TRPM3: variants seen among roughly 807,000 people sequenced by gnomAD.
TRPM3 encodes long transient receptor potential channel 3.
A neutral mutation model predicts 181.2 loss-of-function variants in TRPM3; 77 were observed. That is an observed-to-expected ratio of 0.42 (90% confidence interval 0.35 to 0.51). The LOEUF is 0.51. Among genes scored for constraint, TRPM3 ranks in the 20% least tolerant of loss-of-function variants. The pLI, the probability that TRPM3 is intolerant of heterozygous loss-of-function variation, is 0.01. For missense variants in TRPM3, 1,759 were observed against 2,196.7 expected (o/e 0.80, Z 3.98); for synonymous variants, 745 against 796.4 (o/e 0.94, Z 1.09).
Position 70,531,091 on chromosome 9 carries a change from A to G in TRPM3, c.*4862T>C, listed in dbSNP as rs906729406. 3 of 152,170 alleles carry G rather than the reference A, an allele frequency of 2.0e-5. No homozygotes were observed. The highest frequency in any genetic ancestry group is 2.1e-4 in the South Asian group (1 of 4,808). 9.4% of individuals were successfully genotyped at this position (152,170 alleles called of 1,614,324 possible). ...TCTGCGCACTTCTGCACTATCACAA[A>G]TGGACTTTTCGCTCTCATCTCCGGC... On this transcript the variant is annotated 3_prime_UTR_variant, in exon 26 of 26. Coordinates refer to ENST00000677713, the MANE Select transcript of TRPM3 (RefSeq NM_001366145.2).
At chr9:71,211,920 T>C (rs1269828522) in intron 1 of TRPM3, among the ~76,000 whole-genome samples, 16 of 152,164 alleles carry the variant, frequency 1.1e-4, no homozygotes, top group Admixed American at 1.0e-3. Flanking sequence ...ACATCCTTTA[T>C]ACAGTATATA....
At chr9:71,227,912 G>GA (rs1298469475) in intron 1 of TRPM3, among the ~76,000 whole-genome samples, 3 of 152,064 alleles carry the variant, frequency 2.0e-5, no homozygotes, top group African/African-American at 7.2e-5. Flanking sequence ...AACATTTAGA[G>GA]AACTAATAGA....
intron 1 of TRPM3, among the ~76,000 whole-genome samples, chr9:71,434,213 C>T (rs1455684076): frequency 1.3e-5 from 2 of 151,768 alleles, no homozygotes; most frequent in South Asian, 2.1e-4. Context: ...ATGTTTGTGT[C>T]CCCCCCAAAA....
intron 5 of TRPM3, among the ~76,000 whole-genome samples, chr9:70,830,653 T>C (rs2093831563): frequency 6.6e-6 from 1 of 152,236 alleles, no homozygotes; most frequent in Non-Finnish European, 1.5e-5. Flanking sequence ...TGGAGAAAGA[T>C]GTGCTGAATC....
chr9:70,655,722 C>T lies in TRPM3; in HGVS notation c.1346-15062G>A, dbSNP rs534434640. Among the ~76,000 whole-genome samples, 13 of 152,146 alleles carry T rather than the reference C, an allele frequency of 8.5e-5. No individual in the cohort carries two copies. In the East Asian group the frequency reaches 1.9e-3, roughly 23 times the overall value. On this transcript the variant is annotated intron_variant, in intron 9 of 25. Transcript: ENST00000677713. ...GACTTTTTCTCTTTGTACCTTATGA[C>T]GTAAATTTTGCTATTTGATTTTCAC...
intron 1 of TRPM3, among the ~76,000 whole-genome samples, chr9:70,934,872 C>A (rs953206412): frequency 6.6e-6 from 1 of 151,294 alleles, no homozygotes; most frequent in Admixed American, 6.6e-5. Flanking sequence ...CTCCTCCCCC[C>A]AAAAAAAATA....
intron 6 of TRPM3, among the ~76,000 whole-genome samples, chr9:70,802,780 T>C (rs1800764436): frequency 3.3e-5 from 5 of 152,276 alleles, no homozygotes; most frequent in Admixed American, 2.6e-4. Flanking sequence ...TAATAGGGAT[T>C]TCACTGCACT....
At chr9:71,258,378 T>C (rs1030397184) in intron 1 of TRPM3, among the ~76,000 whole-genome samples, 2 of 152,204 alleles carry the variant, frequency 1.3e-5, no homozygotes, top group Non-Finnish European at 2.9e-5. Flanking sequence ...TTGCACTTGT[T>C]CAGCAGTGAG....
intron 1 of TRPM3, among the ~76,000 whole-genome samples, chr9:71,080,625 C>G (rs1386352996): frequency 6.6e-6 from 1 of 152,076 alleles, no homozygotes; most frequent in Non-Finnish European, 1.5e-5. Context: ...GGATGAATTC[C>G]TGGTCATCCC....
At chr9:71,203,356 G>A in intron 1 of TRPM3, among the ~76,000 whole-genome samples, 1 of 152,138 alleles carries the variant, frequency 6.6e-6, no homozygotes, top group Non-Finnish European at 1.5e-5. Flanking sequence ...TATTAGTGTT[G>A]TCTCTTTTTC....
chr9:71,132,297 C>G (rs1358013558), intron 1 of TRPM3, among the ~76,000 whole-genome samples: 1 of 152,180 alleles, frequency 6.6e-6, no homozygotes, highest in Non-Finnish European at 1.5e-5. Context: ...GGCCCCTTCC[C>G]TCTACAGTTA....
intron 1 of TRPM3, among the ~76,000 whole-genome samples, chr9:71,195,723 G>T (rs1404330766): frequency 6.6e-6 from 1 of 152,008 alleles, no homozygotes; most frequent in African/African-American, 2.4e-5. Flanking sequence ...CCCATCAGTG[G>T]AAGACTGGGG....
At chr9:70,923,779 CAAAT>C (rs1418015515) in intron 1 of TRPM3, among the ~76,000 whole-genome samples, 1 of 146,962 alleles carries the variant, frequency 6.8e-6, no homozygotes, top group African/African-American at 2.5e-5. Flanking sequence ...ACTGGCAACA[CAAAT>C]AACACACACA....
chr9:70,758,008 C>T (rs1360080211), intron 8 of TRPM3, among the ~76,000 whole-genome samples: 3 of 151,964 alleles, frequency 2.0e-5, no homozygotes, highest in Non-Finnish European at 4.4e-5. Flanking sequence ...AGAAATAAAG[C>T]GTATTCAAAT....
chr9:71,160,708 A>T (rs1393113460), intron 1 of TRPM3, among the ~76,000 whole-genome samples: 2 of 152,086 alleles, frequency 1.3e-5, no homozygotes, highest in African/African-American at 4.8e-5. Flanking sequence ...TCATAACTGG[A>T]CCTGAGTTGT....
intron 1 of TRPM3, among the ~76,000 whole-genome samples, chr9:71,295,506 T>C (rs903118071): frequency 1.3e-5 from 2 of 151,444 alleles, no homozygotes; most frequent in Non-Finnish European, 2.9e-5. Flanking sequence ...ACTTATCTTA[T>C]AAAGTATGAA....
At chr9:70,895,702 T>C (rs2096270705) in intron 1 of TRPM3, among the ~76,000 whole-genome samples, 1 of 152,080 alleles carries the variant, frequency 6.6e-6, no homozygotes, top group African/African-American at 2.4e-5. Context: ...TTACAAACTA[T>C]CTGGGGGGAA....
At chr9:70,772,855 T>G (rs1038058836) in intron 7 of TRPM3, among the ~76,000 whole-genome samples, 1 of 152,226 alleles carries the variant, frequency 6.6e-6, no homozygotes, top group Non-Finnish European at 1.5e-5. Context: ...GTGGATTCTC[T>G]GCTGCCAACA....
intron 1 of TRPM3, among the ~76,000 whole-genome samples, chr9:71,435,142 C>T (rs2094013614): frequency 6.6e-6 from 1 of 151,988 alleles, no homozygotes; most frequent in African/African-American, 2.4e-5. Flanking sequence ...GAGTACAATC[C>T]ATTGGTTTTC....
Sources: gnomAD v4.1 joint callset for allele counts (sites outside exome capture counted in the v4.1 genomes callset) on GRCh38, gnomAD v4.1.1 for gene constraint, MANE v1.5 for transcripts, NCBI Gene and HGNC (gene_info 2026-07-23, HGNC 2026-07-21) for gene names.